The following MCTP1 variants were observed in gnomAD, a reference collection of about 807,000 sequenced individuals.
MCTP1 encodes the protein multiple C2 and transmembrane domain-containing protein 1.
Under a neutral mutation model 120.6 loss-of-function variants are expected in MCTP1, and 69 were observed. The ratio of observed to expected loss-of-function variants is 0.57; its 90% confidence interval spans 0.47 to 0.70. The LOEUF is 0.70. MCTP1 is among the 30% of genes least tolerant of loss of function. MCTP1 has a pLI of 0.00. For missense variants in MCTP1, 1,203 were observed against 1,248.8 expected (o/e 0.96, Z 0.55); for synonymous variants, 529 against 493.1 (o/e 1.07, Z -0.96).
chr5:94,952,171 CAAAAAAA>C (rs57358026), intron 3 of MCTP1, among the ~76,000 whole-genome samples: 27,301 of 88,346 alleles, frequency 0.31, 3,779 homozygotes, highest in Middle Eastern at 0.38. Flanking sequence ...GACTTTGTCG[CAAAAAAA>C]AAAAAAAAAA....
chr5:94,720,081 G>A (rs934391431), intron 19 of MCTP1, among the ~76,000 whole-genome samples: 5 of 151,786 alleles, frequency 3.3e-5, no homozygotes, highest in Admixed American at 2.6e-4. Context: ...AGCTGAGATC[G>A]CGCCATTGCA....
chr5:94,870,295 T>G (rs949632367), intron 16 of MCTP1, 122 bp downstream of exon 16: 1 of 604,756 alleles, frequency 1.7e-6, no homozygotes, highest in Non-Finnish European at 2.9e-6. Flanking sequence ...TTTCAATAAG[T>G]AGATGATCAA....
intron 1 of MCTP1, chr5:95,068,661 T>A (rs1751310364): frequency 2.3e-6 from 1 of 429,168 alleles, no homozygotes; most frequent in Admixed American, 4.9e-5. Flanking sequence ...CTGTTCCCAG[T>A]AGCTTTCTCC....
chr5:94,735,416 C>A (rs1763996846), intron 19 of MCTP1, among the ~76,000 whole-genome samples: 1 of 152,164 alleles, frequency 6.6e-6, no homozygotes, highest in South Asian at 2.1e-4. Flanking sequence ...GTAGCTGAGA[C>A]TACAGGCGTA....
rs1051352209 is a variant in MCTP1, at chr5:95,074,133, A to G, written c.721-56649T>C. ...TCCGTCTCAAGAAAAAAAAGAAAAA[A>G]AATTACACTCTTGGGCTCTACCCAT... is the stretch of plus-strand genomic sequence containing the variant. On this transcript the variant is annotated intron_variant, in intron 1 of 22. Coordinates refer to ENST00000515393, the MANE Select transcript of MCTP1 (RefSeq NM_024717.7). Among the ~76,000 whole-genome samples, 9 of 152,226 alleles carry G rather than the reference A, an allele frequency of 5.9e-5. No individual in the cohort carries two copies. In the East Asian group the frequency reaches 1.7e-3, roughly 29 times the overall value.
intron 17 of MCTP1, among the ~76,000 whole-genome samples, chr5:94,832,716 C>T (rs938168886): frequency 1.3e-5 from 2 of 152,104 alleles, no homozygotes; most frequent in African/African-American, 4.8e-5. Flanking sequence ...TAAATTCCAG[C>T]TGCCCTGTTG....
intron 19 of MCTP1, among the ~76,000 whole-genome samples, chr5:94,771,052 C>T (rs1022754114): frequency 2.1e-4 from 32 of 152,154 alleles, no homozygotes; most frequent in African/African-American, 7.2e-4. Context: ...CACAATCAAG[C>T]CAAACACCAC....
At chr5:95,015,301 C>A (rs896550578) in intron 2 of MCTP1, among the ~76,000 whole-genome samples, 1 of 152,004 alleles carries the variant, frequency 6.6e-6, no homozygotes, top group Non-Finnish European at 1.5e-5. Context: ...GGTTTTATTT[C>A]TTATCCCCTT....
chr5:95,199,531 C>T (rs1750759725), intron 1 of MCTP1, among the ~76,000 whole-genome samples: 1 of 152,118 alleles, frequency 6.6e-6, no homozygotes, highest in Admixed American at 6.5e-5. Context: ...AATGAGATTT[C>T]ACTGCATACC....
At chr5:94,746,062 G>T (rs190999791) in intron 19 of MCTP1, among the ~76,000 whole-genome samples, 1 of 152,282 alleles carries the variant, frequency 6.6e-6, no homozygotes, top group African/African-American at 2.4e-5. Flanking sequence ...AACTTTCCCA[G>T]AAACCCCCGG....
At chr5:95,231,434 C>CA (rs1336614130) in intron 1 of MCTP1, among the ~76,000 whole-genome samples, 11 of 152,078 alleles carry the variant, frequency 7.2e-5, no homozygotes, top group African/African-American at 1.7e-4. Context: ...ACAACAGCCA[C>CA]AAAAACAAAA....
intron 1 of MCTP1, among the ~76,000 whole-genome samples, chr5:95,239,895 A>G (rs1159374059): frequency 1.3e-5 from 2 of 152,010 alleles, no homozygotes; most frequent in African/African-American, 4.8e-5. Flanking sequence ...TATTATGTCA[A>G]ATTGAAGATT....
At chr5:95,212,457 C>T (rs1417426143) in intron 1 of MCTP1, among the ~76,000 whole-genome samples, 2 of 151,968 alleles carry the variant, frequency 1.3e-5, no homozygotes, top group Admixed American at 1.3e-4. Flanking sequence ...GGTACCATTC[C>T]TTCTGAAACT....
Position 95,069,312 on chromosome 5 carries a change from G to A in MCTP1, c.721-51828C>T, listed in dbSNP as rs1189333050. ...TGTACGTACTCCTAACTTTGCAGAT[G>A]ACAGTTTTCATTGGGGTCTTTCATG... is the stretch of plus-strand genomic sequence containing the variant. On this transcript the variant is annotated intron_variant, in intron 1 of 22. Coordinates refer to ENST00000515393, the MANE Select transcript of MCTP1 (RefSeq NM_024717.7). 2.6e-5 allele frequency among the ~76,000 whole-genome samples: 4 copies of A among 152,172 alleles called. No individual in the cohort carries two copies. The South Asian group carries it at 8.3e-4, about 31-fold the overall frequency.
intron 17 of MCTP1, among the ~76,000 whole-genome samples, chr5:94,835,342 A>G (rs1789495777): frequency 6.6e-6 from 1 of 152,240 alleles, no homozygotes; most frequent in African/African-American, 2.4e-5. Context: ...AAGCCTGCAA[A>G]GTAGATACGA....
chr5:95,183,199 T>A (rs745919337), intron 1 of MCTP1, among the ~76,000 whole-genome samples: 4 of 152,018 alleles, frequency 2.6e-5, no homozygotes, highest in Admixed American at 6.6e-5. Flanking sequence ...GAGAAATGGA[T>A]AGTGGTCTCA....
chr5:95,046,765 C>T (rs1307362668), intron 1 of MCTP1, among the ~76,000 whole-genome samples: 1 of 152,144 alleles, frequency 6.6e-6, no homozygotes, highest in East Asian at 1.9e-4. Flanking sequence ...CACCTCTATA[C>T]TTGTCTGACT....
chr5:95,048,565 C>T (rs975140803), intron 1 of MCTP1, among the ~76,000 whole-genome samples: 44 of 152,094 alleles, frequency 2.9e-4, no homozygotes, highest in African/African-American at 9.9e-4. Flanking sequence ...AAAACACATA[C>T]TAATTTCCCA....
At chr5:95,131,540 G>A (rs1759044660) in intron 1 of MCTP1, among the ~76,000 whole-genome samples, 1 of 152,148 alleles carries the variant, frequency 6.6e-6, no homozygotes, top group South Asian at 2.1e-4. Flanking sequence ...TTGGTTTTAT[G>A]ATATTAGGTG....
Sources: gnomAD v4.1 joint callset for allele counts (sites outside exome capture counted in the v4.1 genomes callset) on GRCh38, gnomAD v4.1.1 for gene constraint, MANE v1.5 for transcripts, NCBI Gene and HGNC (gene_info 2026-07-23, HGNC 2026-07-21) for gene names.